Variants in KCNMA1 observed in about 807,000 individuals in gnomAD.
KCNMA1 encodes the protein potassium calcium-activated channel subfamily M alpha 1.
Under a neutral mutation model 140.0 loss-of-function variants are expected in KCNMA1, and 29 were observed. The ratio of observed to expected loss-of-function variants is 0.21; its 90% CI spans 0.15 to 0.28. The LOEUF is 0.28. Ranked by LOEUF, KCNMA1 falls within the 10% of genes least tolerant of loss-of-function variation. The pLI, the probability that KCNMA1 is intolerant of heterozygous loss-of-function variation, is 1.00. For synonymous variants in KCNMA1, 612 were observed against 611.9 expected (o/e 1.00, Z 0.00); for missense variants, 880 against 1,602.2 (o/e 0.55, Z 7.70).
intron 1 of KCNMA1, among the ~76,000 whole-genome samples, chr10:77,480,980 G>A (rs944309834): frequency 1.3e-5 from 2 of 151,162 alleles, no homozygotes; most frequent in African/African-American, 4.8e-5. Flanking sequence ...AATAGCCGGA[G>A]GTAGTGGCGG....
At chr10:77,045,895 T>A (rs1361090665) in intron 14 of KCNMA1, among the ~76,000 whole-genome samples, 1 of 152,190 alleles carries the variant, frequency 6.6e-6, no homozygotes, top group East Asian at 1.9e-4. Flanking sequence ...ACCCGTGAAG[T>A]CATGTAAATA....
intron 15 of KCNMA1, among the ~76,000 whole-genome samples, chr10:77,034,766 C>T (rs1035912527): frequency 6.6e-6 from 1 of 152,196 alleles, no homozygotes; most frequent in South Asian, 2.1e-4. Context: ...ATTTTAACTG[C>T]TCCATCAGCT....
intron 14 of KCNMA1, among the ~76,000 whole-genome samples, chr10:77,052,620 CAA>C (rs5786258): frequency 1.4e-5 from 2 of 141,562 alleles, no homozygotes. Context: ...GATGAGTGTG[CAA>C]AAAAAAAAAA....
At chr10:77,341,112 C>T (rs1425234949) in intron 2 of KCNMA1, among the ~76,000 whole-genome samples, 1 of 152,168 alleles carries the variant, frequency 6.6e-6, no homozygotes, top group East Asian at 1.9e-4. Flanking sequence ...AACTCCTCCA[C>T]AAAAGCTGTG....
At chr10:77,324,971 C>CTCTCTCTCTCTGTG (rs766240356) in intron 2 of KCNMA1, among the ~76,000 whole-genome samples, 971 of 90,316 alleles carry the variant, frequency 0.011, 15 homozygotes, top group Middle Eastern at 0.021. Context: ...CTCTCTCTCT[C>CTCTCTCTCTCTGTG]TGTGTGTGTG....
intron 6 of KCNMA1, among the ~76,000 whole-genome samples, chr10:77,116,200 T>G (rs943931559): frequency 2.0e-5 from 3 of 152,164 alleles, no homozygotes; most frequent in African/African-American, 7.2e-5. Flanking sequence ...CTAAAGTCAA[T>G]CATTCTCATG....
chr10:77,217,876 T>C (rs1488735139), intron 3 of KCNMA1, among the ~76,000 whole-genome samples: 2 of 152,210 alleles, frequency 1.3e-5, no homozygotes, highest in Non-Finnish European at 2.9e-5. Flanking sequence ...AAAAGTTCGA[T>C]AACCACCAGG....
intron 17 of KCNMA1, among the ~76,000 whole-genome samples, chr10:77,013,087 C>G (rs982966058): frequency 1.3e-5 from 2 of 152,192 alleles, no homozygotes; most frequent in Non-Finnish European, 2.9e-5. Context: ...TGAACATGGC[C>G]TTTTCTTGAC....
chr10:77,295,874 A>G (rs183290202), intron 2 of KCNMA1, among the ~76,000 whole-genome samples: 15 of 150,160 alleles, frequency 1.0e-4, no homozygotes, highest in Non-Finnish European at 1.9e-4. Flanking sequence ...ATGAAGAGAT[A>G]TTTTAAAGTA....
chr10:77,106,977 C>A (rs982049363), intron 9 of KCNMA1, among the ~76,000 whole-genome samples: 1 of 152,144 alleles, frequency 6.6e-6, no homozygotes, highest in Non-Finnish European at 1.5e-5. Context: ...GTCCTTTGTG[C>A]CTTTGAAAGG....
intron 2 of KCNMA1, among the ~76,000 whole-genome samples, chr10:77,281,160 A>T (rs566164314): frequency 2.4e-4 from 37 of 152,206 alleles, no homozygotes; most frequent in African/African-American, 8.7e-4. Context: ...CTACCACTTC[A>T]ATCTTGTTAA....
chr10:77,215,441 C>T (rs1325592517), intron 3 of KCNMA1, among the ~76,000 whole-genome samples: 1 of 142,498 alleles, frequency 7.0e-6, no homozygotes, highest in East Asian at 2.0e-4. Context: ...CTCCTCTAGA[C>T]TGTGTTCCCT....
chr10:77,427,967 G>A lies in KCNMA1; in HGVS notation c.379-23944C>T, dbSNP rs547533389. Among the ~76,000 whole-genome samples the A allele has an allele frequency of 4.6e-5, 7 of 152,106 alleles. No homozygotes were observed. The South Asian group carries it at 1.0e-3, about 23-fold the overall frequency. On this transcript the variant is annotated intron_variant, in intron 1 of 27. Coordinates refer to ENST00000286628, the MANE Select transcript of KCNMA1 (RefSeq NM_001161352.2). ...AGGGTTTCACCATGTTGGCCAGGAT[G>A]GTCTTGATCTCCTGACCTTGTAATC... is the stretch of plus-strand genomic sequence containing the variant.
intron 14 of KCNMA1, among the ~76,000 whole-genome samples, chr10:77,041,777 G>A (rs935306636): frequency 6.6e-6 from 1 of 152,148 alleles, no homozygotes; most frequent in Admixed American, 6.5e-5. Context: ...AAGATGAGAG[G>A]AAGCCACCCC....
At chr10:77,024,376 A>T (rs1481362037) in intron 16 of KCNMA1, among the ~76,000 whole-genome samples, 1 of 152,076 alleles carries the variant, frequency 6.6e-6, no homozygotes, top group Non-Finnish European at 1.5e-5. Context: ...AAAAAGATAC[A>T]GACAAATACA....
intron 25 of KCNMA1, among the ~76,000 whole-genome samples, chr10:76,905,502 C>T (rs1440040049): frequency 2.6e-5 from 4 of 152,190 alleles, no homozygotes; most frequent in African/African-American, 9.7e-5. Context: ...TGGCCAGCGG[C>T]CTTGCCTTCT....
chr10:77,513,615 G>A (rs1567252444), intron 1 of KCNMA1, among the ~76,000 whole-genome samples: 1 of 152,184 alleles, frequency 6.6e-6, no homozygotes, highest in Non-Finnish European at 1.5e-5. Context: ...GGAAACAAGG[G>A]GAGAAGAGGG....
At chr10:77,363,119 TA>T (rs1274598093) in intron 2 of KCNMA1, among the ~76,000 whole-genome samples, 24 of 56,190 alleles carry the variant, frequency 4.3e-4, no homozygotes, top group African/African-American at 2.1e-3. Context: ...GAATTATTAT[TA>T]TTTTTTTTTT....
chr10:77,316,748 C>T (rs1184103420), intron 2 of KCNMA1, among the ~76,000 whole-genome samples: 1 of 152,144 alleles, frequency 6.6e-6, no homozygotes, highest in Non-Finnish European at 1.5e-5. Flanking sequence ...AACCAAAGCA[C>T]CAAGAGGATC....
Sources: gnomAD v4.1 joint callset for allele counts (sites outside exome capture counted in the v4.1 genomes callset) on GRCh38, gnomAD v4.1.1 for gene constraint, MANE v1.5 for transcripts, NCBI Gene and HGNC (gene_info 2026-07-23, HGNC 2026-07-21) for gene names.